The following TDP1 variants were observed in gnomAD, a reference collection of about 807,000 sequenced individuals.
TDP1 encodes the protein tyr-DNA phosphodiesterase 1.
In TDP1, 64 loss-of-function variants were observed where a neutral mutation model predicts 81.5. That is an observed-to-expected ratio of 0.79 (90% CI 0.64 to 0.97). TDP1 has a LOEUF of 0.97. TDP1 is among the 50% of genes least tolerant of loss of function. The pLI is 0.00. For synonymous variants in TDP1, 256 were observed against 264.3 expected (o/e 0.97, Z 0.30); for missense variants, 723 against 743.8 (o/e 0.97, Z 0.33).
Position 89,988,992 on chromosome 14 carries a change from G to A in TDP1, c.1219G>A (p.Asp407Asn), listed in dbSNP as rs765018747. 8.7e-6 allele frequency: 14 copies of A among 1,614,054 alleles called. No individual in the cohort carries two copies. Among genetic ancestry groups the A allele is most frequent in the African/African-American group, 2.7e-5 (2 of 75,058 alleles). The change falls in exon 11 of 17, where the codon GAT becomes AAT. Residue 407 changes from aspartate (D) to asparagine (N), a missense_variant. Physicochemically the swap from Asp to Asn is conservative, Grantham distance 23. Coordinates refer to ENST00000335725, the MANE Select transcript of TDP1 (RefSeq NM_018319.4). The stretch of plus-strand genomic sequence containing the variant: ...TTCAAGCGTTGGCTCCTTGGGAGCC[G>A]ATGAATCAAAGTGGTTATGTTCTGA... ...QFSSVGSLGA[D>N]ESKWLCSEFK...
chr14:90,012,650 C>T (rs1884846460), intron 14 of TDP1, among the ~76,000 whole-genome samples: 1 of 152,026 alleles, frequency 6.6e-6, no homozygotes, highest in Non-Finnish European at 1.5e-5. Context: ...TCTGCTAGGG[C>T]AGTGCAGAAG....
intron 14 of TDP1, among the ~76,000 whole-genome samples, chr14:90,009,874 T>C (rs1281191708): frequency 6.6e-6 from 1 of 152,148 alleles, no homozygotes; most frequent in Non-Finnish European, 1.5e-5. Context: ...AAGGCACCAA[T>C]GTAATTCAGT....
intron 8 of TDP1, among the ~76,000 whole-genome samples, chr14:89,981,005 A>G (rs1196896103): frequency 1.3e-5 from 2 of 152,254 alleles, no homozygotes; most frequent in Non-Finnish European, 2.9e-5. Context: ...GGGTTACAGA[A>G]TGAAAGATCT....
intron 8 of TDP1, chr14:89,984,315 A>G: frequency 2.0e-6 from 2 of 985,328 alleles, no homozygotes; most frequent in Non-Finnish European, 2.4e-6. Flanking sequence ...ATTCATGGCA[A>G]GACATTCAGG....
intron 14 of TDP1, among the ~76,000 whole-genome samples, chr14:90,009,757 A>G (rs1175865510): frequency 6.6e-6 from 1 of 152,260 alleles, no homozygotes; most frequent in Non-Finnish European, 1.5e-5. Flanking sequence ...AAGATTCACT[A>G]TAAAAGCAGG....
intron 14 of TDP1, among the ~76,000 whole-genome samples, chr14:90,013,012 T>C (rs545493865): frequency 2.0e-5 from 3 of 152,318 alleles, no homozygotes; most frequent in African/African-American, 7.2e-5. Flanking sequence ...GTAGCCCCTT[T>C]GTTTTGGCCA....
intron 16 of TDP1, among the ~76,000 whole-genome samples, chr14:90,041,997 C>T (rs1343093127): frequency 6.6e-6 from 1 of 152,180 alleles, no homozygotes; most frequent in African/African-American, 2.4e-5. Context: ...AGAGGAGGAA[C>T]TTGATGCCAT....
chr14:89,981,575 T>C (rs1170000979), intron 8 of TDP1: 3 of 435,650 alleles, frequency 6.9e-6, no homozygotes, highest in African/African-American at 6.1e-5. Context: ...ACGTTTTCTC[T>C]GTCATCCTCC....
intron 3 of TDP1, chr14:89,965,022 T>A (rs1366012072): frequency 5.1e-6 from 1 of 194,798 alleles, no homozygotes; most frequent in Non-Finnish European, 1.1e-5. Context: ...TTAGAAGATC[T>A]CATGGAGGAA....
Position 90,017,973 on chromosome 14 carries a change from T to C in TDP1, c.1542-1343T>C, listed in dbSNP as rs144345009. On this transcript the variant is annotated intron_variant, in intron 14 of 16. Coordinates refer to ENST00000335725, the MANE Select transcript of TDP1 (RefSeq NM_018319.4). ...GGAAGCCAGGAAAGCTTGTAAATAA[T>C]GCTCTATTTGCTTAAGTCAGCCTAA... Among the ~76,000 whole-genome samples the C allele has an allele frequency of 1.5e-3, 235 of 152,326 alleles. 2 individuals carry two copies. Among genetic ancestry groups the C allele is most frequent in the African/African-American group, 5.3e-3 (221 of 41,572 alleles).
intron 5 of TDP1, chr14:89,970,851 A>T: frequency 1.4e-6 from 1 of 709,618 alleles, no homozygotes; most frequent in Non-Finnish European, 1.7e-6. Flanking sequence ...TTATTTATTT[A>T]TTTTTGAGAC....
At chr14:90,001,773 A>G (rs1457056912) in intron 14 of TDP1, among the ~76,000 whole-genome samples, 1 of 152,196 alleles carries the variant, frequency 6.6e-6, no homozygotes, top group East Asian at 1.9e-4. Context: ...CTAGCTCAGC[A>G]GGCATAATTA....
At chr14:89,985,082 C>A in intron 9 of TDP1, 50 bp from the exon 10 acceptor site, 1 of 1,465,392 alleles carries the variant, frequency 6.8e-7, no homozygotes, top group Non-Finnish European at 9.5e-7. Context: ...TTTTTTGGTG[C>A]CCAAAGCACA....
rs553604865 is a variant in TDP1, at chr14:89,987,533, G to A, written c.1132-1372G>A. 7.9e-5 allele frequency among the ~76,000 whole-genome samples: 12 copies of A among 152,308 alleles called. No homozygotes were observed. The South Asian group carries it at 2.3e-3, about 29-fold the overall frequency. On this transcript the variant is annotated intron_variant, in intron 10 of 16. Transcript: ENST00000335725. ...CCTAGCATGAATGGCACGCAGAGGA[G>A]GAAGCAAGCAGGTGGATACTTCCTT...
intron 14 of TDP1, among the ~76,000 whole-genome samples, chr14:90,017,136 G>A (rs999745454): frequency 2.0e-5 from 3 of 152,034 alleles, no homozygotes; most frequent in Non-Finnish European, 4.4e-5. Context: ...TGGAGTTGTG[G>A]GAGCAAGAGA....
rs1159983523 is a variant in TDP1 at position 89,987,928 on chromosome 14, C to G, written c.1132-977C>G. Among the ~76,000 whole-genome samples, 4 of 152,208 alleles carry G rather than the reference C, an allele frequency of 2.6e-5. No individual in the cohort carries two copies. In the East Asian group the frequency reaches 5.8e-4, roughly 22 times the overall value. The stretch of plus-strand genomic sequence containing the variant: ...CCTCAGATCCCATAGATTGAGGGCT[C>G]CATCCCACAAGACTGCCCCTCTCCC... On this transcript the variant is annotated intron_variant, in intron 10 of 16. Transcript: ENST00000335725.
At chr14:90,022,390 C>T (rs770890985) in intron 15 of TDP1, among the ~76,000 whole-genome samples, 1 of 152,230 alleles carries the variant, frequency 6.6e-6, no homozygotes, top group Non-Finnish European at 1.5e-5. Flanking sequence ...TCTTAGGGGA[C>T]TCAGCAGCGG....
Position 90,043,496 on chromosome 14 carries a change from A to G in TDP1, c.*353A>G, listed in dbSNP as rs748394284. The G allele has an allele frequency of 2.8e-6, 1 of 363,010 alleles. No individual in the cohort carries two copies. Among genetic ancestry groups the G allele is most frequent in the Non-Finnish European group, 5.1e-6 (1 of 194,598 alleles). The allele number at this position is 363,010 out of a possible 1,614,324, so 22.5% of individuals were successfully genotyped here. The stretch of plus-strand genomic sequence containing the variant: ...TGGAATATTTGCATAGCATAATGAG[A>G]TATCTTGGGAATGGGACCCAAATCT... On this transcript the variant is annotated 3_prime_UTR_variant, in exon 17 of 17. Transcript: ENST00000335725.
intron 16 of TDP1, among the ~76,000 whole-genome samples, chr14:90,037,778 T>C (rs896330273): frequency 2.0e-5 from 3 of 152,216 alleles, no homozygotes; most frequent in African/African-American, 7.2e-5. Flanking sequence ...GCAGTTAACA[T>C]TGATCCAAAA....
Sources: allele counts gnomAD v4.1 joint callset (sites outside exome capture counted in the v4.1 genomes callset), GRCh38; gene constraint gnomAD v4.1.1; transcripts MANE v1.5; gene names NCBI Gene and HGNC (gene_info 2026-07-23, HGNC 2026-07-21).